ATE1: variants seen among roughly 807,000 people sequenced by gnomAD.
ATE1 encodes arginyltransferase 1.
In ATE1, 36 loss-of-function variants were observed where a neutral mutation model predicts 70.5. The observed-to-expected ratio is 0.51, with a 90% CI of 0.39 to 0.67. The LOEUF is 0.67. Ranked by LOEUF, ATE1 falls within the 30% of genes least tolerant of loss-of-function variation. The pLI is 0.00. For synonymous variants in ATE1, 232 were observed against 219.3 expected, an observed-to-expected ratio of 1.06 and a Z score of -0.51; for missense variants, 593 against 629.5, an observed-to-expected ratio of 0.94 and a Z score of 0.62.
chr10:121,749,652 C>G (rs1944503154), intron 11 of ATE1, among the ~76,000 whole-genome samples: 1 of 152,096 alleles, frequency 6.6e-6, no homozygotes, highest in African/African-American at 2.4e-5. Flanking sequence ...CATTTTTAGT[C>G]ATCAAAGTAA....
At chr10:121,928,335 G>T (rs1191497055), upstream of ATE1, 2 of 1,519,694 alleles carry the variant, frequency 1.3e-6, no homozygotes, top group Non-Finnish European at 1.8e-6. Context: ...CTCCGGCGTC[G>T]GGAACACTCA....
At position 121,902,492 on chromosome 10, in the gene ATE1, G is replaced by A. The variant is rs1951020584; in HGVS notation, c.712C>T (p.Pro238Ser). ...ELEGFQAQGH[P>S]PSLFPPKAKS... ...GCCTTTGGTGGAAACAAAGATGGTG[G>A]GTGACCTTGAGCCTGGAAACCCTCA... The change falls in exon 6 of 12, where the codon CCA (proline) becomes TCA (serine). Residue 238 changes from proline (P) to serine (S), a missense_variant. Coordinates refer to ENST00000224652, the MANE Select transcript of ATE1 (RefSeq NM_001001976.3). 3.7e-6 allele frequency: 6 copies of A among 1,614,176 alleles called. No individual in the cohort carries two copies. Among genetic ancestry groups the A allele is most frequent in the Non-Finnish European group, 5.1e-6 (6 of 1,180,040 alleles).
At chr10:121,847,492 A>G (rs1433327070) in intron 8 of ATE1, among the ~76,000 whole-genome samples, 2 of 150,232 alleles carry the variant, frequency 1.3e-5, no homozygotes, top group Admixed American at 6.7e-5. Flanking sequence ...CAGGCGCGGT[A>G]GCTCATGCCT....
At chr10:121,858,962 G>A (rs1469627433) in intron 8 of ATE1, among the ~76,000 whole-genome samples, 2 of 151,874 alleles carry the variant, frequency 1.3e-5, no homozygotes, top group African/African-American at 2.4e-5. Context: ...AGGCGTGGTG[G>A]CACATGCCTG....
At position 121,742,667 on chromosome 10, in the gene ATE1, A is replaced by G. The variant is rs1944186955; in HGVS notation, c.*1013T>C. On this transcript the variant is annotated 3_prime_UTR_variant, in exon 12 of 12. Transcript: ENST00000224652. ...TCTGCTCTGAGTTACTAAGGGTGGCAGAAGCCACCCTGACTGTGACTCTCA... is the reference window on the plus strand; with the variant it reads ...TCTGCTCTGAGTTACTAAGGGTGGCGGAAGCCACCCTGACTGTGACTCTCA... The G allele has an allele frequency of 6.6e-6, 1 of 152,218 alleles. No homozygotes were observed. The highest frequency in any genetic ancestry group is 2.1e-4 in the South Asian group (1 of 4,828). 9.4% of individuals were successfully genotyped at this position (152,218 alleles called of 1,614,324 possible).
rs527418162 is a variant in ATE1, at chr10:121,811,379, C to T, written c.1258-21090G>A. Among the ~76,000 whole-genome samples the T allele has an allele frequency of 1.2e-4, 18 of 152,172 alleles. 1 individual carries two copies. Among genetic ancestry groups the T allele is most frequent in the African/African-American group, 3.4e-4 (14 of 41,520 alleles). On this transcript the variant is annotated intron_variant, in intron 10 of 11. Transcript: ENST00000224652. ...AATCTGACAAAAGAGTACACTGTAC[C>T]GGTATTCTTTGTACTATTTTTATCC... is the stretch of plus-strand genomic sequence containing the variant.
chr10:121,769,021 G>T (rs1945392748), intron 11 of ATE1, among the ~76,000 whole-genome samples: 1 of 129,756 alleles, frequency 7.7e-6, no homozygotes, highest in Non-Finnish European at 1.7e-5. Flanking sequence ...GTCTCTGTAA[G>T]AATTTTTACA....
intron 8 of ATE1, among the ~76,000 whole-genome samples, chr10:121,863,715 T>C (rs1046551026): frequency 1.3e-5 from 2 of 152,148 alleles, no homozygotes; most frequent in African/African-American, 4.8e-5. Flanking sequence ...GCTGAAATGA[T>C]CTTCCCACCT....
chr10:121,809,548 G>A (rs902236693), intron 10 of ATE1, among the ~76,000 whole-genome samples: 6 of 152,034 alleles, frequency 3.9e-5, no homozygotes, highest in Non-Finnish European at 7.4e-5. Context: ...TTTTTACTGC[G>A]AGTGCACCGC....
chr10:121,864,199 T>C (rs528425868), intron 8 of ATE1, among the ~76,000 whole-genome samples: 13 of 152,196 alleles, frequency 8.5e-5, no homozygotes, highest in Non-Finnish European at 1.6e-4. Flanking sequence ...ACTGGTTTCG[T>C]GGAAGACAAT....
chr10:121,851,269 T>G (rs1256091843), intron 8 of ATE1, among the ~76,000 whole-genome samples: 1 of 151,540 alleles, frequency 6.6e-6, no homozygotes, highest in Non-Finnish European at 1.5e-5. Flanking sequence ...AAATACAAAA[T>G]AGTAGCCAGG....
intron 5 of ATE1, 118 bp from the exon 6 acceptor site, chr10:121,902,738 G>C: frequency 9.7e-7 from 1 of 1,035,596 alleles, no homozygotes; most frequent in East Asian, 2.6e-5. Flanking sequence ...GCTAGCTTTG[G>C]GGTAGATGTT....
At chr10:121,764,695 A>C (rs1220770472) in intron 11 of ATE1, among the ~76,000 whole-genome samples, 3 of 152,200 alleles carry the variant, frequency 2.0e-5, no homozygotes, top group Admixed American at 6.5e-5. Context: ...CTCCCTACTG[A>C]ACCTCAAGGT....
At chr10:121,786,964 C>G (rs1946241800) in intron 11 of ATE1, among the ~76,000 whole-genome samples, 1 of 152,136 alleles carries the variant, frequency 6.6e-6, no homozygotes, top group Non-Finnish European at 1.5e-5. Flanking sequence ...GAACCCCTTT[C>G]TTTGAAGTAG....
chr10:121,812,775 A>G (rs148411065), intron 10 of ATE1, among the ~76,000 whole-genome samples: 221 of 152,348 alleles, frequency 1.5e-3, no homozygotes, highest in African/African-American at 5.1e-3. Flanking sequence ...ACATGCAAGC[A>G]GCAAGTCCCT....
At chr10:121,890,580 G>A (rs542140888) in intron 7 of ATE1, among the ~76,000 whole-genome samples, 1 of 152,324 alleles carries the variant, frequency 6.6e-6, no homozygotes, top group South Asian at 2.1e-4. Context: ...CAATTAGTCA[G>A]TGAATGCAGA....
chr10:121,758,480 A>G (rs922343851), intron 11 of ATE1, among the ~76,000 whole-genome samples: 1 of 152,240 alleles, frequency 6.6e-6, no homozygotes, highest in Non-Finnish European at 1.5e-5. Context: ...CCTGGAGCAT[A>G]AAATTAAATT....
At chr10:121,879,841 C>G (rs890531066) in intron 7 of ATE1, among the ~76,000 whole-genome samples, 3 of 152,180 alleles carry the variant, frequency 2.0e-5, no homozygotes, top group Non-Finnish European at 4.4e-5. Flanking sequence ...CCTCCAAGCA[C>G]TAGCTTCCTG....
At chr10:121,885,611 G>A (rs1262600724) in intron 7 of ATE1, among the ~76,000 whole-genome samples, 1 of 150,470 alleles carries the variant, frequency 6.6e-6, no homozygotes. Flanking sequence ...TTCAAAATGT[G>A]GCTGGGTGCA....
Sources: allele counts gnomAD v4.1 joint callset (sites outside exome capture counted in the v4.1 genomes callset), GRCh38; gene constraint gnomAD v4.1.1; transcripts MANE v1.5; gene names NCBI Gene and HGNC (gene_info 2026-07-23, HGNC 2026-07-21).